PYGB: variants seen among roughly 807,000 people sequenced by gnomAD.
The protein encoded by PYGB is glycogen phosphorylase, brain form.
PYGB carries 82 observed loss-of-function variants against 94.3 expected under a neutral mutation model. The observed-to-expected ratio is 0.87, with a 90% CI of 0.73 to 1.04. PYGB has a LOEUF of 1.04. Among genes scored for constraint, PYGB ranks in the 50% least tolerant of loss-of-function variants. The pLI is 0.00. For missense variants in PYGB, 1,132 were observed against 1,158.2 expected (o/e 0.98, Z 0.33); for synonymous variants, 488 against 479.1 (o/e 1.02, Z -0.24).
intron 16 of PYGB, among the ~76,000 whole-genome samples, chr20:25,291,070 C>T (rs1211593417): frequency 3.3e-5 from 5 of 151,624 alleles, no homozygotes; most frequent in South Asian, 2.1e-4. Context: ...AGGACATGCA[C>T]CAGGCCAGTG....
intron 2 of PYGB, 136 bp downstream of exon 2, chr20:25,259,474 C>T: frequency 7.6e-6 from 5 of 657,464 alleles, no homozygotes; most frequent in East Asian, 2.8e-5. Flanking sequence ...GGCCTGTTCT[C>T]CCCTCCTGGA....
intron 2 of PYGB, among the ~76,000 whole-genome samples, chr20:25,261,433 G>A (rs2092913278): frequency 6.6e-6 from 1 of 152,194 alleles, no homozygotes; most frequent in Admixed American, 6.5e-5. Context: ...ACTGTTAGAA[G>A]GAAAACTAAC....
chr20:25,277,322 A>G lies in PYGB; in HGVS notation c.851A>G (p.Asp284Gly). ...ENISRVLYPN[D>G]NFFEGKELRL... ...ATCTCCAGGGTCCTGTATCCAAATG[A>G]TAACGTGAGTAGCTGGCCTGGGCAC... The change falls in exon 7 of 20, where the codon GAT (aspartate) becomes GGT (glycine). Residue 284 changes from aspartate (D) to glycine (G), a missense_variant. By Grantham distance (94) the Asp-to-Gly change is moderately conservative. Transcript: ENST00000216962. 1 of 1,560,000 alleles carries G rather than the reference A, an allele frequency of 6.4e-7. No individual in the cohort carries two copies. Among genetic ancestry groups the G allele is most frequent in the Non-Finnish European group, 8.8e-7 (1 of 1,130,868 alleles).
chr20:25,273,407 C>T (rs563987769), intron 4 of PYGB, among the ~76,000 whole-genome samples: 5 of 152,284 alleles, frequency 3.3e-5, no homozygotes, highest in African/African-American at 1.2e-4. Context: ...ACAGCCCAGA[C>T]AGTCTTGCTC....
At chr20:25,260,728 G>A (rs1263472318) in intron 2 of PYGB, among the ~76,000 whole-genome samples, 1 of 152,210 alleles carries the variant, frequency 6.6e-6, no homozygotes, top group Non-Finnish European at 1.5e-5. Context: ...CCCTTTCCTA[G>A]CCAAGGGAAG....
At chr20:25,258,816 A>T (rs775495330) in intron 1 of PYGB, among the ~76,000 whole-genome samples, 34 of 152,378 alleles carry the variant, frequency 2.2e-4, no homozygotes, top group Non-Finnish European at 2.4e-4. Context: ...TCCATTGAGT[A>T]CTTGAAGACA....
rs148008106 is a variant in PYGB at position 25,264,374 on chromosome 20, A to C, written c.346-4755A>C. 4.3e-3 allele frequency among the ~76,000 whole-genome samples: 657 copies of C among 152,302 alleles called. 7 individuals carry two copies. Among genetic ancestry groups the C allele is most frequent in the African/African-American group, 0.015 (627 of 41,578 alleles). ...CCCTTTGAAAACTGGCAGAAGACGG[A>C]TGCCCTCTCTCACTACTCCTATTCA... On this transcript the variant is annotated intron_variant, in intron 2 of 19. Transcript: ENST00000216962.
intron 1 of PYGB, among the ~76,000 whole-genome samples, chr20:25,255,726 C>T (rs1311391371): frequency 6.7e-6 from 1 of 149,194 alleles, no homozygotes; most frequent in South Asian, 2.1e-4. Flanking sequence ...GTGAAAGCAG[C>T]CGCCCAACTC....
chr20:25,291,541 C>A (rs1238565396), intron 16 of PYGB, among the ~76,000 whole-genome samples: 1 of 152,216 alleles, frequency 6.6e-6, no homozygotes, highest in Admixed American at 6.5e-5. Context: ...CGCTCCCCCT[C>A]TTTAGTGGTG....
At position 25,276,765 on chromosome 20, in the gene PYGB, C is replaced by G; in HGVS notation, c.772+8C>G. ...ACTTCAAGCTGCAGGACTGTACGTT[C>G]CGTGGTTCTTGGCACCCTTGTGTCC... On this transcript the variant is annotated splice_region_variant and intron_variant, in intron 6 of 19. Coordinates refer to ENST00000216962, the MANE Select transcript of PYGB (RefSeq NM_002862.4). 6.2e-7 allele frequency: 1 copy of G among 1,611,910 alleles called. No homozygotes were observed. The highest frequency in any genetic ancestry group is 1.3e-5 in the African/African-American group (1 of 74,914).
chr20:25,258,346 C>G (rs74407052), intron 1 of PYGB, among the ~76,000 whole-genome samples: 9,894 of 152,280 alleles, frequency 0.065, 992 homozygotes, highest in African/African-American at 0.22. Context: ...GCTACATCCA[C>G]CCCACCCTCA....
At chr20:25,249,663 AAG>A (rs1480003876) in intron 1 of PYGB, among the ~76,000 whole-genome samples, 1 of 152,206 alleles carries the variant, frequency 6.6e-6, no homozygotes, top group Non-Finnish European at 1.5e-5. Flanking sequence ...GAGATGGTAA[AAG>A]GGACAGATTT....
intron 15 of PYGB, among the ~76,000 whole-genome samples, chr20:25,289,400 C>T (rs2088445922): frequency 6.6e-6 from 1 of 152,202 alleles, no homozygotes; most frequent in African/African-American, 2.4e-5. Flanking sequence ...AATCCCAGCA[C>T]TTTGGGAGCC....
chr20:25,282,040 G>A lies in PYGB; in HGVS notation c.1411G>A (p.Asp471Asn). Residue 471 changes from aspartate (D) to asparagine (N), a missense_variant, in exon 12 of 20, where the codon GAT (aspartate) becomes AAT (asparagine). Asp to Asn is a conservative substitution (Grantham distance 23, BLOSUM62 1). Coordinates refer to ENST00000216962, the MANE Select transcript of PYGB (RefSeq NM_002862.4). ...SEIVKQSVFKDFYELEPEKFQ... is the reference protein window; with the variant it reads ...SEIVKQSVFKNFYELEPEKFQ... ...TGTTCTCTGTGTTTGCAGCTTTAAG[G>A]ATTTTTATGAACTGGAGCCAGAGAA... is the stretch of plus-strand genomic sequence containing the variant. 5 of 1,612,166 alleles carry A rather than the reference G, an allele frequency of 3.1e-6. No individual in the cohort carries two copies. Among genetic ancestry groups the A allele is most frequent in the East Asian group, 2.2e-5 (1 of 44,870 alleles).
At chr20:25,294,314 G>GAA in intron 18 of PYGB, 22 bp downstream of exon 18, 1 of 1,550,694 alleles carries the variant, frequency 6.4e-7, no homozygotes, top group Non-Finnish European at 8.9e-7. Context: ...TTCCCTGGTT[G>GAA]GGTGGCTGGG....
chr20:25,262,153 G>C (rs1409805772), intron 2 of PYGB, among the ~76,000 whole-genome samples: 2 of 152,290 alleles, frequency 1.3e-5, no homozygotes, highest in Admixed American at 1.3e-4. Flanking sequence ...TCCTCGAGAA[G>C]AGCAACTCCA....
In PYGB at chr20:25,294,321, TGGGAGGGA is replaced by T. The variant is rs59991127; in HGVS notation, c.2312+45_2312+52del. 7.3e-4 allele frequency: 263 copies of T among 358,144 alleles called. 7 individuals carry two copies. Among genetic ancestry groups the T allele is most frequent in the African/African-American group, 6.3e-3 (166 of 26,404 alleles). 22.2% of individuals were successfully genotyped at this position (358,144 alleles called of 1,614,324 possible). A position where few individuals can be genotyped will look rare whatever the true frequency, so the allele number is the denominator to read the frequency against. On this transcript the variant is annotated intron_variant, in intron 18 of 19. Coordinates refer to ENST00000216962, the MANE Select transcript of PYGB (RefSeq NM_002862.4). Reference sequence around the variant, plus strand: ...GGACCGACTTCCCTGGTTGGGTGGCTGGGAGGGAGGGAGGGAGGGAGGGGTCCTCTTCG... The same window carrying T: ...GGACCGACTTCCCTGGTTGGGTGGCTGGGAGGGAGGGAGGGGTCCTCTTCG...
At position 25,269,109 on chromosome 20, in the gene PYGB, G is replaced by C; in HGVS notation, c.346-20G>C. 6.5e-7 allele frequency: 1 copy of C among 1,530,468 alleles called. No individual in the cohort carries two copies. The highest frequency in any genetic ancestry group is 9.1e-7 in the Non-Finnish European group (1 of 1,104,082). 94.8% of individuals were successfully genotyped at this position (1,530,468 alleles called of 1,614,324 possible). On this transcript the variant is annotated intron_variant, in intron 2 of 19. Transcript: ENST00000216962. ...AAATATTGAGTAACATTAAAATGCT[G>C]CCTGTGTTTTTGTTTGCAGTTGGGG...
At chr20:25,253,623 TAAATA>T (rs61580405) in intron 1 of PYGB, among the ~76,000 whole-genome samples, 3,755 of 146,278 alleles carry the variant, frequency 0.026, 142 homozygotes, top group African/African-American at 0.085. Context: ...CAACTCTGCC[TAAATA>T]AAATAAAATA....
Sources: gnomAD v4.1 joint callset for allele counts (sites outside exome capture counted in the v4.1 genomes callset) on GRCh38, gnomAD v4.1.1 for gene constraint, MANE v1.5 for transcripts, NCBI Gene and HGNC (gene_info 2026-07-23, HGNC 2026-07-21) for gene names.